The following SSU72 variants were observed in gnomAD, a reference collection of about 807,000 sequenced individuals.
The protein encoded by SSU72 is SSU72 homolog, RNA polymerase II CTD phosphatase.
A neutral mutation model predicts 22.7 loss-of-function variants in SSU72; 12 were observed. That is an observed-to-expected ratio of 0.53 (90% CI 0.34 to 0.86). SSU72 has a LOEUF of 0.86. Ranked by LOEUF, SSU72 falls within the 40% of genes least tolerant of loss-of-function variation. The probability of loss-of-function intolerance (pLI) is 0.02; values close to 1 mark genes in which losing one functional copy is unlikely to be tolerated. For missense variants in SSU72, 151 were observed against 249.8 expected, an observed-to-expected ratio of 0.60 and a Z score of 2.67; for synonymous variants, 116 against 98.3, an observed-to-expected ratio of 1.18 and a Z score of -1.06.
At chr1:1,543,677 A>ACTGTCACGGCCTCGGCCACTCCCCT (rs1642353437) in intron 4 of SSU72, 192 bp downstream of exon 4, 2 of 193,076 alleles carry the variant, frequency 1.0e-5, no homozygotes, top group African/African-American at 3.0e-4. Flanking sequence ...GCCACTCCCC[A>ACTGTCACGGCCTCGGCCACTCCCCT]CTGTCACGGC....
intron 1 of SSU72, among the ~76,000 whole-genome samples, chr1:1,569,995 G>T (rs975291167): frequency 1.3e-5 from 2 of 151,842 alleles, no homozygotes; most frequent in Admixed American, 1.3e-4. Flanking sequence ...CATTTTTAAC[G>T]CCTAAAAGAC....
intron 2 of SSU72, among the ~76,000 whole-genome samples, chr1:1,551,791 G>C (rs893556615): frequency 6.6e-6 from 1 of 152,232 alleles, no homozygotes; most frequent in African/African-American, 2.4e-5. Flanking sequence ...ACATCGCCCC[G>C]AAGGCCTGAG....
At chr1:1,564,371 C>A in intron 2 of SSU72, 2 of 1,167,616 alleles carry the variant, frequency 1.7e-6, no homozygotes, top group Admixed American at 3.1e-5. Context: ...AGCAGCCCGG[C>A]TCCATGTGTA....
At chr1:1,556,343 G>A (rs1207666294) in intron 2 of SSU72, among the ~76,000 whole-genome samples, 1 of 152,126 alleles carries the variant, frequency 6.6e-6, no homozygotes, top group African/African-American at 2.4e-5. Flanking sequence ...TGAGGCAGGA[G>A]AATCACTTGA....
intron 1 of SSU72, among the ~76,000 whole-genome samples, chr1:1,567,877 C>T (rs970750606): frequency 2.1e-5 from 3 of 146,102 alleles, no homozygotes; most frequent in Non-Finnish European, 3.0e-5. Context: ...CGCGCCATTG[C>T]ACTCCAGCCT....
At chr1:1,556,259 C>T (rs1487237323) in intron 2 of SSU72, among the ~76,000 whole-genome samples, 1 of 152,222 alleles carries the variant, frequency 6.6e-6, no homozygotes, top group African/African-American at 2.4e-5. Flanking sequence ...GGTGAAACTC[C>T]ATCTCTATTA....
At chr1:1,550,073 G>A (rs1295021155) in intron 2 of SSU72, among the ~76,000 whole-genome samples, 5 of 151,140 alleles carry the variant, frequency 3.3e-5, no homozygotes, top group East Asian at 1.9e-4. Flanking sequence ...AGCCTCCTCC[G>A]GAGGCAGAGG....
At chr1:1,549,090 T>C (rs1017779254) in intron 2 of SSU72, among the ~76,000 whole-genome samples, 1 of 151,910 alleles carries the variant, frequency 6.6e-6, no homozygotes, top group Non-Finnish European at 1.5e-5. Flanking sequence ...ATCTGGAATA[T>C]TGTCTCATGC....
At position 1,557,282 on chromosome 1, in the gene SSU72, G is replaced by A. The variant is rs144240292; in HGVS notation, c.224+7491C>T. ...ACAAAAATTAGCCGGGTGTGGCAGT[G>A]CATGCCTATAATCCCAGCTACTCAG... On this transcript the variant is annotated intron_variant, in intron 2 of 4. Coordinates refer to ENST00000291386, the MANE Select transcript of SSU72 (RefSeq NM_014188.3). Among the ~76,000 whole-genome samples, 162 of 152,198 alleles carry A rather than the reference G, an allele frequency of 1.1e-3. 2 individuals are homozygous for A. In the East Asian group the frequency reaches 0.029, roughly 27 times the overall value.
chr1:1,543,451 T>C (rs1642349866), intron 4 of SSU72, among the ~76,000 whole-genome samples: 1 of 152,172 alleles, frequency 6.6e-6, no homozygotes, highest in Admixed American at 6.5e-5. Flanking sequence ...GTGCAGCGTC[T>C]CTCAGCTGAG....
chr1:1,544,059 C>G (rs1019963061), intron 3 of SSU72, 72 bp from the exon 4 acceptor site: 1 of 1,194,692 alleles, frequency 8.4e-7, no homozygotes, highest in Non-Finnish European at 1.2e-6. Flanking sequence ...GTGGCTGAGT[C>G]CCCAGCTCTG....
intron 1 of SSU72, among the ~76,000 whole-genome samples, chr1:1,569,163 G>T (rs1489074173): frequency 1.3e-5 from 2 of 151,054 alleles, no homozygotes; most frequent in Non-Finnish European, 2.9e-5. Context: ...GACAGAATGA[G>T]ACTCCGTCTC....
At chr1:1,558,993 TGGAAAGTG>T (rs1403222511) in intron 2 of SSU72, among the ~76,000 whole-genome samples, 1 of 152,144 alleles carries the variant, frequency 6.6e-6, no homozygotes, top group Non-Finnish European at 1.5e-5. Context: ...AGCTCAACTA[TGGAAAGTG>T]GCTTCAGTGT....
chr1:1,565,989 G>A (rs1220552607), intron 1 of SSU72, among the ~76,000 whole-genome samples: 1 of 152,148 alleles, frequency 6.6e-6, no homozygotes, highest in African/African-American at 2.4e-5. Context: ...GAGTGCGGTG[G>A]CTCACACCTT....
intron 2 of SSU72, among the ~76,000 whole-genome samples, chr1:1,555,860 G>C (rs1038852890): frequency 1.3e-5 from 2 of 152,104 alleles, no homozygotes; most frequent in Non-Finnish European, 2.9e-5. Context: ...CAGGCCAGGT[G>C]GGGTGGCTCA....
rs374471770 is a variant in SSU72, at chr1:1,547,500, C to T, written c.225-2498G>A. The stretch of plus-strand genomic sequence containing the variant: ...GGCGAGGAGATGCGAGGTGAGGCCC[C>T]GCCCAGAGGGCTAGACCTGCAAGCC... On this transcript the variant is annotated intron_variant, in intron 2 of 4. Coordinates refer to ENST00000291386, the MANE Select transcript of SSU72 (RefSeq NM_014188.3). Among the ~76,000 whole-genome samples the T allele has an allele frequency of 5.3e-5, 8 of 152,328 alleles. No individual in the cohort carries two copies. In the South Asian group the frequency reaches 8.3e-4, roughly 16 times the overall value.
Position 1,554,954 on chromosome 1 carries a change from T to C in SSU72, c.224+9819A>G, listed in dbSNP as rs1022570602. Among the ~76,000 whole-genome samples the C allele has an allele frequency of 6.6e-6, 1 of 151,922 alleles. No individual in the cohort carries two copies. The highest frequency in any genetic ancestry group is 2.4e-5 in the African/African-American group (1 of 41,362). Reference sequence around the variant, plus strand: ...TCAAGTCTCCTGAAGGTGTTGATGCTCCGTGGAAGCCTTGGTCCTTCCCCG... The same window carrying C: ...TCAAGTCTCCTGAAGGTGTTGATGCCCCGTGGAAGCCTTGGTCCTTCCCCG... On this transcript the variant is annotated intron_variant, in intron 2 of 4. Transcript: ENST00000291386. This position sits in a 1 kb window ranked among gnomAD's most constrained non-coding sequence, Gnocchi z 4.1.
chr1:1,573,609 C>G (rs563322142), intron 1 of SSU72, among the ~76,000 whole-genome samples: 17 of 152,184 alleles, frequency 1.1e-4, no homozygotes, highest in African/African-American at 3.9e-4. Context: ...GCCACCGTGC[C>G]TGGCCCACGT....
chr1:1,564,385 GGCACGCACGCAC>G (rs768540619), intron 2 of SSU72: 189 of 1,279,852 alleles, frequency 1.5e-4, no homozygotes, highest in Non-Finnish European at 1.8e-4. Flanking sequence ...ATGTGTATCA[GGCACGCACGCAC>G]ACACGCACGC....
Sources: allele counts gnomAD v4.1 joint callset (sites outside exome capture counted in the v4.1 genomes callset), GRCh38; gene constraint gnomAD v4.1.1; non-coding constraint Gnocchi (gnomAD v3.1); transcripts MANE v1.5; gene names NCBI Gene and HGNC (gene_info 2026-07-23, HGNC 2026-07-21).